The following TENM4 variants were observed in gnomAD, a reference collection of about 807,000 sequenced individuals.
TENM4 encodes teneurin transmembrane protein 4.
A neutral mutation model predicts 243.3 loss-of-function variants in TENM4; 82 were observed. That is an observed-to-expected ratio of 0.34 (90% confidence interval 0.28 to 0.40). The LOEUF is 0.40. Among genes scored for constraint, TENM4 ranks in the 10% least tolerant of loss-of-function variants. The pLI is 1.00. For synonymous variants in TENM4, 1,412 were observed against 1,456.3 expected (o/e 0.97, Z 0.69); for missense variants, 3,138 against 3,673.3 (o/e 0.85, Z 3.77).
chr11:79,409,119 T>C (rs1458308580), intron 1 of TENM4, among the ~76,000 whole-genome samples: 1 of 138,736 alleles, frequency 7.2e-6, no homozygotes, highest in African/African-American at 2.7e-5. Context: ...CGCGCGTGCG[T>C]GCACGCGCAC....
chr11:78,672,218 G>T lies in TENM4; in HGVS notation c.5608C>A (p.Arg1870=), dbSNP rs1450015058. The change falls in exon 31 of 34, where the codon CGG becomes AGG. Residue 1870 remains arginine (R), a synonymous_variant. Coordinates refer to ENST00000278550, the MANE Select transcript of TENM4 (RefSeq NM_001098816.3). ...CTGCTGGGTGACCAGAGGCTGGGCC[G>T]CCCCGCCTGGTCGTACAGAATCCGA... ...TLRILYDQAG[R]PSLWSPSSRL... The T allele has an allele frequency of 1.2e-6, 2 of 1,613,928 alleles. No individual in the cohort carries two copies. The highest frequency in any genetic ancestry group is 1.7e-6 in the Non-Finnish European group (2 of 1,179,890).
At chr11:78,759,211 C>T (rs544844823) in intron 18 of TENM4, among the ~76,000 whole-genome samples, 3 of 152,286 alleles carry the variant, frequency 2.0e-5, no homozygotes, top group South Asian at 2.1e-4. Flanking sequence ...GATACAACTG[C>T]CTAGCAAAGC....
intron 6 of TENM4, among the ~76,000 whole-genome samples, chr11:78,964,277 G>A (rs1406744433): frequency 6.6e-6 from 1 of 151,978 alleles, no homozygotes; most frequent in Non-Finnish European, 1.5e-5. Context: ...TCTTGACCTC[G>A]TGATCTGCCT....
At chr11:79,316,910 G>A (rs1022430626) in intron 1 of TENM4, among the ~76,000 whole-genome samples, 1 of 152,108 alleles carries the variant, frequency 6.6e-6, no homozygotes, top group African/African-American at 2.4e-5. Context: ...CGCTTCAAGG[G>A]GTGACAGAAC....
chr11:78,700,342 G>C (rs1018876498), intron 28 of TENM4, among the ~76,000 whole-genome samples: 2 of 152,144 alleles, frequency 1.3e-5, no homozygotes, highest in Admixed American at 6.5e-5. Context: ...GTGGGCAAAG[G>C]AGCCTTCAGA....
At chr11:79,194,067 A>G (rs758469642) in intron 3 of TENM4, among the ~76,000 whole-genome samples, 40 of 151,882 alleles carry the variant, frequency 2.6e-4, no homozygotes, top group Non-Finnish European at 5.3e-4. Context: ...TGCTATTTTC[A>G]TGACAGTGAA....
chr11:78,940,438 G>A (rs1856866119), intron 6 of TENM4, among the ~76,000 whole-genome samples: 1 of 152,206 alleles, frequency 6.6e-6, no homozygotes, highest in Non-Finnish European at 1.5e-5. Flanking sequence ...CCCCACTTAG[G>A]AGTGATGATG....
intron 6 of TENM4, among the ~76,000 whole-genome samples, chr11:78,968,632 T>C (rs182317975): frequency 1.6e-3 from 238 of 152,346 alleles, no homozygotes; most frequent in African/African-American, 5.6e-3. Context: ...ACAGAGCCTC[T>C]CCTGGAGGCC....
chr11:78,818,859 C>G (rs916489500), intron 12 of TENM4, among the ~76,000 whole-genome samples: 2 of 151,744 alleles, frequency 1.3e-5, no homozygotes, highest in African/African-American at 4.8e-5. Context: ...ATTAAAAATT[C>G]AGCAGCCTAT....
At chr11:79,365,004 T>C (rs1857652369) in intron 1 of TENM4, among the ~76,000 whole-genome samples, 4 of 152,230 alleles carry the variant, frequency 2.6e-5, no homozygotes. Flanking sequence ...TTCAAAATCT[T>C]ACTAATGAGG....
rs189478871 is a variant in TENM4, at chr11:79,226,271, C to A, written c.-264-10362G>T. Reference sequence around the variant, plus strand: ...TTTCTTGGCTGTACAAACTTAGGAACCCTTTGTTTCTTCTGCTCCGTCCTT... The same window carrying A: ...TTTCTTGGCTGTACAAACTTAGGAAACCTTTGTTTCTTCTGCTCCGTCCTT... On this transcript the variant is annotated intron_variant, in intron 2 of 33. Transcript: ENST00000278550. Among the ~76,000 whole-genome samples, 983 of 152,314 alleles carry A rather than the reference C, an allele frequency of 6.5e-3. 10 individuals are homozygous for A. Among genetic ancestry groups the A allele is most frequent in the African/African-American group, 0.023 (949 of 41,568 alleles).
intron 6 of TENM4, among the ~76,000 whole-genome samples, chr11:79,042,545 C>T (rs1038090140): frequency 6.6e-6 from 1 of 152,214 alleles, no homozygotes; most frequent in Admixed American, 6.5e-5. Context: ...GGCAAGCCCT[C>T]ACCAGAAACT....
At chr11:79,325,375 T>C (rs1192268413) in intron 1 of TENM4, among the ~76,000 whole-genome samples, 1 of 152,164 alleles carries the variant, frequency 6.6e-6, no homozygotes, top group Non-Finnish European at 1.5e-5. Flanking sequence ...AAGTGGCCAA[T>C]ATGGAATTAG....
intron 6 of TENM4, among the ~76,000 whole-genome samples, chr11:79,028,070 C>G (rs773901099): frequency 6.6e-6 from 1 of 152,182 alleles, no homozygotes; most frequent in South Asian, 2.1e-4. Context: ...TGAAACCCAA[C>G]TCTGCCACTG....
chr11:79,069,819 G>C lies in TENM4; in HGVS notation c.126C>G (p.Ser42Arg), dbSNP rs1287629024. ...GKAPQKSYSS[S>R]ETLKAYDQDA... ...CCTGGTCGTAGGCCTTCAGGGTCTC[G>C]CTGGAGCTGTACGATTTCTGCGGGG... The change falls in exon 5 of 34, where the codon AGC becomes AGG. Residue 42 changes from serine (S) to arginine (R), a missense_variant. Transcript: ENST00000278550. The C allele has an allele frequency of 3.2e-6, 5 of 1,550,876 alleles. No individual in the cohort carries two copies. Among genetic ancestry groups the C allele is most frequent in the Admixed American group, 2.0e-5 (1 of 50,990 alleles).
intron 3 of TENM4, among the ~76,000 whole-genome samples, chr11:79,175,572 A>T (rs1345864774): frequency 6.6e-6 from 1 of 152,244 alleles, no homozygotes; most frequent in Non-Finnish European, 1.5e-5. Flanking sequence ...ATGTTGTTAA[A>T]TGAAAAAGAA....
intron 6 of TENM4, among the ~76,000 whole-genome samples, chr11:78,916,576 T>A (rs906277395): frequency 6.6e-5 from 10 of 152,176 alleles, no homozygotes; most frequent in Admixed American, 5.9e-4. Context: ...TCCTTTATTT[T>A]AAAAATTCCA....
chr11:79,058,352 G>A (rs1859993370), intron 6 of TENM4, among the ~76,000 whole-genome samples: 1 of 152,062 alleles, frequency 6.6e-6, no homozygotes, highest in Non-Finnish European at 1.5e-5. Context: ...GACCATCCTG[G>A]CTAACACAGT....
chr11:79,354,370 A>G (rs1177079677), intron 1 of TENM4, among the ~76,000 whole-genome samples: 1 of 152,132 alleles, frequency 6.6e-6, no homozygotes, highest in African/African-American at 2.4e-5. Flanking sequence ...GGTGAGTGGC[A>G]CTCTATTGCA....
Sources: allele counts gnomAD v4.1 joint callset (sites outside exome capture counted in the v4.1 genomes callset), GRCh38; gene constraint gnomAD v4.1.1; transcripts MANE v1.5; gene names NCBI Gene and HGNC (gene_info 2026-07-23, HGNC 2026-07-21).